The following NT5DC3 variants were observed in gnomAD, a reference collection of about 807,000 sequenced individuals.
The protein encoded by NT5DC3 is 5'-nucleotidase domain-containing protein 3.
Under a neutral mutation model 67.8 loss-of-function variants are expected in NT5DC3, and 42 were observed. The ratio of observed to expected loss-of-function variants is 0.62; its 90% CI spans 0.48 to 0.80. The LOEUF (loss-of-function observed/expected upper bound fraction) is 0.80. Among genes scored for constraint, NT5DC3 ranks in the 30% least tolerant of loss-of-function variants. NT5DC3 has a pLI of 0.00. For synonymous variants in NT5DC3, 237 were observed against 255.6 expected (o/e 0.93, Z 0.69); for missense variants, 570 against 696.4 (o/e 0.82, Z 2.04).
intron 4 of NT5DC3, among the ~76,000 whole-genome samples, chr12:103,803,880 G>C (rs559740218): frequency 3.4e-5 from 5 of 147,316 alleles, no homozygotes; most frequent in South Asian, 4.3e-4. Context: ...AAAAAAATGT[G>C]TTGAGGGACT....
chr12:103,755,899 C>T, the NT5DC3 span, among the ~76,000 whole-genome samples: 677 of 152,290 alleles, frequency 4.4e-3, 7 homozygotes, highest in African/African-American at 0.016. Context: ...AAAGAAGTTA[C>T]TTTCCTCTCT....
chr12:103,750,124 G>A, the NT5DC3 span, among the ~76,000 whole-genome samples: 1 of 152,136 alleles, frequency 6.6e-6, no homozygotes, highest in Non-Finnish European at 1.5e-5. Flanking sequence ...TTCAACCAGT[G>A]GTCATTGTGC....
At chr12:103,761,465 C>T in the NT5DC3 span, 4 of 1,488,194 alleles carry the variant, frequency 2.7e-6, no homozygotes, top group Admixed American at 1.7e-5. Context: ...TGCCCACTCA[C>T]CAACAGGCAA....
the NT5DC3 span, among the ~76,000 whole-genome samples, chr12:103,765,176 C>G: frequency 6.6e-6 from 1 of 150,960 alleles, no homozygotes; most frequent in African/African-American, 2.4e-5. Context: ...AAATCACCTT[C>G]ATTTAAAAAG....
At chr12:103,803,837 T>G (rs1034127554) in intron 4 of NT5DC3, among the ~76,000 whole-genome samples, 1 of 145,924 alleles carries the variant, frequency 6.9e-6, no homozygotes, top group Non-Finnish European at 1.5e-5. Flanking sequence ...TTGTCCATAC[T>G]AAAATAGATT....
chr12:103,838,079 G>C (rs181445291), intron 1 of NT5DC3, among the ~76,000 whole-genome samples: 20 of 152,250 alleles, frequency 1.3e-4, no homozygotes, highest in African/African-American at 4.3e-4. Context: ...CTTACATGGC[G>C]GCAGCAAGAG....
the NT5DC3 span, chr12:103,762,463 C>T: frequency 6.2e-7 from 1 of 1,610,188 alleles, no homozygotes; most frequent in Non-Finnish European, 8.5e-7. Flanking sequence ...GTCCCTGGAC[C>T]TGGGCTGCTT....
intron 4 of NT5DC3, among the ~76,000 whole-genome samples, chr12:103,803,549 G>C (rs1886670477): frequency 1.3e-5 from 2 of 152,116 alleles, no homozygotes; most frequent in Admixed American, 1.3e-4. Flanking sequence ...ATGGGGGTTT[G>C]TTGTAGATAT....
At chr12:103,784,146 T>A (rs1370286855) in intron 12 of NT5DC3, among the ~76,000 whole-genome samples, 1 of 152,224 alleles carries the variant, frequency 6.6e-6, no homozygotes, top group East Asian at 1.9e-4. Context: ...CTCAGCACAG[T>A]GTCCAGCACA....
Position 103,796,605 on chromosome 12 carries a change from C to T in NT5DC3, c.753+289G>A, listed in dbSNP as rs187486771. ...GGCTGGACTTCCATCCCCATCATCCCTTTGGCCAAGTGCACCGGCCCTGGC... is the reference window on the plus strand; with the variant it reads ...GGCTGGACTTCCATCCCCATCATCCTTTTGGCCAAGTGCACCGGCCCTGGC... On this transcript the variant is annotated intron_variant, in intron 6 of 13. Coordinates refer to ENST00000392876, the MANE Select transcript of NT5DC3 (RefSeq NM_001031701.3). Among the ~76,000 whole-genome samples the T allele has an allele frequency of 4.9e-3, 744 of 152,350 alleles. 9 individuals carry two copies. Among genetic ancestry groups the T allele is most frequent in the Middle Eastern group, 0.01 (3 of 294 alleles).
At chr12:103,782,145 G>A (rs1211636562) in intron 12 of NT5DC3, among the ~76,000 whole-genome samples, 1 of 152,222 alleles carries the variant, frequency 6.6e-6, no homozygotes, top group South Asian at 2.1e-4. Context: ...CAAGGCAGGT[G>A]GATCACTTGA....
chr12:103,834,943 ACTT>A (rs979556209), intron 1 of NT5DC3, among the ~76,000 whole-genome samples: 4 of 152,288 alleles, frequency 2.6e-5, no homozygotes, highest in South Asian at 4.1e-4. Flanking sequence ...ATTCATCGGT[ACTT>A]CTTCTGACTG....
chr12:103,788,922 A>G lies in NT5DC3; in HGVS notation c.1020-3T>C. ...TCTCATTCATCTTTCGGAAAGGCCT[A>G]ACAACAGAAATGGGAAACATTATGA... On this transcript the variant is annotated splice_polypyrimidine_tract_variant and splice_region_variant and intron_variant, in intron 9 of 13. Coordinates refer to ENST00000392876, the MANE Select transcript of NT5DC3 (RefSeq NM_001031701.3). 1 of 1,598,326 alleles carries G rather than the reference A, an allele frequency of 6.3e-7. No individual in the cohort carries two copies. The highest frequency in any genetic ancestry group is 8.6e-7 in the Non-Finnish European group (1 of 1,165,582).
At chr12:103,816,967 CTTTTTTTTTTTTTT>C (rs1887282420) in intron 1 of NT5DC3, among the ~76,000 whole-genome samples, 1 of 118,958 alleles carries the variant, frequency 8.4e-6, no homozygotes, top group African/African-American at 3.1e-5. Flanking sequence ...TTTCTTTTTT[CTTTTTTTTTTTTTT>C]GCTTTCATGG....
the NT5DC3 span, among the ~76,000 whole-genome samples, chr12:103,757,706 G>A: frequency 6.6e-6 from 1 of 152,218 alleles, no homozygotes; most frequent in Non-Finnish European, 1.5e-5. Flanking sequence ...GCAGGAGCGT[G>A]CCAGGCAAGT....
intron 4 of NT5DC3, among the ~76,000 whole-genome samples, chr12:103,803,033 G>A (rs1363210279): frequency 1.3e-5 from 2 of 152,086 alleles, no homozygotes; most frequent in African/African-American, 4.8e-5. Context: ...AGGAGAGAAG[G>A]GGTAAGTGTC....
the NT5DC3 span, chr12:103,748,840 C>G: frequency 9.9e-7 from 1 of 1,014,518 alleles, no homozygotes; most frequent in Non-Finnish European, 1.4e-6. Context: ...GAGAGAAGCA[C>G]GAACACGCAG....
chr12:103,750,764 A>T, the NT5DC3 span: 1 of 1,573,276 alleles, frequency 6.4e-7, no homozygotes, highest in Non-Finnish European at 8.7e-7. Flanking sequence ...CCTCCTCTTC[A>T]GGCCTGGGGA....
At chr12:103,782,139 G>T (rs1885580743) in intron 12 of NT5DC3, among the ~76,000 whole-genome samples, 1 of 152,198 alleles carries the variant, frequency 6.6e-6, no homozygotes, top group African/African-American at 2.4e-5. Context: ...GGAGGCCAAG[G>T]CAGGTGGATC....
Sources: gnomAD v4.1 joint callset for allele counts (sites outside exome capture counted in the v4.1 genomes callset) on GRCh38, gnomAD v4.1.1 for gene constraint, MANE v1.5 for transcripts, NCBI Gene and HGNC (gene_info 2026-07-23, HGNC 2026-07-21) for gene names.